The following C1orf21 variants were observed in gnomAD, a reference collection of about 807,000 sequenced individuals.
C1orf21 encodes chromosome 1 open reading frame 21.
In C1orf21, 3 loss-of-function variants were observed where a neutral mutation model predicts 18.7. The ratio of observed to expected loss-of-function variants is 0.16; its 90% CI spans 0.07 to 0.42. The LOEUF (loss-of-function observed/expected upper bound fraction) is 0.42, where lower values mean the gene tolerates loss of function less well. Ranked by LOEUF, C1orf21 falls within the 10% of genes least tolerant of loss-of-function variation. The probability of loss-of-function intolerance (pLI) is 0.99; values close to 1 mark genes in which losing one functional copy is unlikely to be tolerated. For missense variants in C1orf21, 104 were observed against 143.6 expected, an observed-to-expected ratio of 0.72 and a Z score of 1.41; for synonymous variants, 41 against 46.4, an observed-to-expected ratio of 0.88 and a Z score of 0.47.
intron 5 of C1orf21, among the ~76,000 whole-genome samples, chr1:184,618,030 C>T (rs1659857459): frequency 6.6e-6 from 1 of 151,476 alleles, no homozygotes; most frequent in African/African-American, 2.4e-5. Context: ...CTGCCTTAGC[C>T]TCCCAAATAG....
At chr1:184,590,556 C>T (rs1407780182) in intron 3 of C1orf21, among the ~76,000 whole-genome samples, 183 bp from the exon 4 acceptor site, 2 of 152,204 alleles carry the variant, frequency 1.3e-5, no homozygotes, top group Non-Finnish European at 2.9e-5. Flanking sequence ...TAGCAGTGCT[C>T]CCTGTTTGGC....
At chr1:184,619,056 T>C (rs867052908) in intron 5 of C1orf21, among the ~76,000 whole-genome samples, 1 of 152,218 alleles carries the variant, frequency 6.6e-6, no homozygotes, top group Non-Finnish European at 1.5e-5. Context: ...GATTCTTGTT[T>C]GTTGTTTTTT....
chr1:184,489,030 C>T (rs986461185), intron 2 of C1orf21, among the ~76,000 whole-genome samples: 1 of 152,096 alleles, frequency 6.6e-6, no homozygotes, highest in Admixed American at 6.6e-5. Context: ...TATTTATAAT[C>T]TTAGGTTGCA....
chr1:184,584,130 CTTCTTTTTTTTT>C (rs1294954968), intron 3 of C1orf21, among the ~76,000 whole-genome samples: 1 of 81,864 alleles, frequency 1.2e-5, no homozygotes, highest in African/African-American at 4.8e-5. Flanking sequence ...GCTTGTTCTT[CTTCTTTTTTTTT>C]TTTTTTTTTT....
chr1:184,519,210 T>A (rs1052139796), intron 3 of C1orf21, among the ~76,000 whole-genome samples: 13 of 152,230 alleles, frequency 8.5e-5, no homozygotes, highest in African/African-American at 3.1e-4. Flanking sequence ...CTTTTAAACA[T>A]GCTTTCCTTA....
intron 3 of C1orf21, among the ~76,000 whole-genome samples, chr1:184,585,681 T>G (rs566160245): frequency 6.6e-6 from 1 of 152,352 alleles, no homozygotes; most frequent in Admixed American, 6.5e-5. Flanking sequence ...CCATGTCTTC[T>G]CATTATTTAG....
At chr1:184,555,237 G>A (rs1011131519) in intron 3 of C1orf21, among the ~76,000 whole-genome samples, 3 of 152,124 alleles carry the variant, frequency 2.0e-5, no homozygotes, top group Non-Finnish European at 2.9e-5. Flanking sequence ...TATCAGCTGC[G>A]TGGAACCAGA....
At chr1:184,576,598 G>C (rs1180657286) in intron 3 of C1orf21, among the ~76,000 whole-genome samples, 2 of 152,150 alleles carry the variant, frequency 1.3e-5, no homozygotes, top group Non-Finnish European at 2.9e-5. Context: ...GTCCTCTCAG[G>C]CCTCCACTAC....
chr1:184,519,689 A>T (rs570840268), intron 3 of C1orf21, among the ~76,000 whole-genome samples: 1 of 152,224 alleles, frequency 6.6e-6, no homozygotes, highest in Non-Finnish European at 1.5e-5. Context: ...AAACCACAGC[A>T]TATAAATTTC....
At chr1:184,576,859 T>C (rs181392156) in intron 3 of C1orf21, among the ~76,000 whole-genome samples, 368 of 152,332 alleles carry the variant, frequency 2.4e-3, no homozygotes, top group Non-Finnish European at 4.4e-3. Context: ...CCTTAATTTG[T>C]CTTGCAAGGC....
chr1:184,420,625 T>C (rs1367776849), intron 1 of C1orf21, among the ~76,000 whole-genome samples: 1 of 152,156 alleles, frequency 6.6e-6, no homozygotes, highest in African/African-American at 2.4e-5. Flanking sequence ...TAACTCCCAG[T>C]CTCTCTACTT....
chr1:184,460,614 GTCGTCGTCTTCTTCTTCTTCTTCT>G (rs1346796040), intron 1 of C1orf21, among the ~76,000 whole-genome samples: 5,115 of 127,140 alleles, frequency 0.04, 149 homozygotes, highest in Non-Finnish European at 0.046. Flanking sequence ...TAGTATTGTC[GTCGTCGTCTTCTTCTTCTTCTTCT>G]TCTTCTTCTT....
At chr1:184,413,163 T>C (rs1656384257) in intron 1 of C1orf21, among the ~76,000 whole-genome samples, 1 of 152,380 alleles carries the variant, frequency 6.6e-6, no homozygotes, top group East Asian at 1.9e-4. Flanking sequence ...GTGGTAATCC[T>C]GCAGTGTCCA....
At chr1:184,562,050 T>C (rs571438275) in intron 3 of C1orf21, among the ~76,000 whole-genome samples, 73 of 152,146 alleles carry the variant, frequency 4.8e-4, no homozygotes, top group Non-Finnish European at 8.7e-4. Context: ...AGTAGTTTCA[T>C]TGTTGCCAAC....
chr1:184,565,645 A>C (rs1273081586), intron 3 of C1orf21, among the ~76,000 whole-genome samples: 1 of 152,260 alleles, frequency 6.6e-6, no homozygotes, highest in Admixed American at 6.5e-5. Flanking sequence ...TTGGAATTAT[A>C]AACAAGCCAA....
chr1:184,606,465 A>C (rs972336215), intron 5 of C1orf21, among the ~76,000 whole-genome samples: 21 of 152,200 alleles, frequency 1.4e-4, no homozygotes, highest in Non-Finnish European at 4.4e-5. Context: ...CTGTAGTCCC[A>C]GTTACTTGAG....
intron 1 of C1orf21, among the ~76,000 whole-genome samples, chr1:184,441,056 C>T (rs1220121303): frequency 1.3e-5 from 2 of 152,156 alleles, no homozygotes; most frequent in Non-Finnish European, 2.9e-5. Flanking sequence ...AGAGGCATCA[C>T]GGGAGAAGTA....
chr1:184,544,624 C>T (rs1178990520), intron 3 of C1orf21, among the ~76,000 whole-genome samples: 2 of 152,178 alleles, frequency 1.3e-5, no homozygotes, highest in Admixed American at 6.5e-5. Flanking sequence ...CTTCACCATA[C>T]GTGATGTATT....
At position 184,628,483 on chromosome 1, in the gene C1orf21, G is replaced by A. The variant is rs1306254071; in HGVS notation, c.*8927G>A. On this transcript the variant is annotated 3_prime_UTR_variant, in exon 6 of 6. Transcript: ENST00000235307. Reference sequence around the variant, plus strand: ...AACACCCTTGCTTTAGTGCAAATCAGCACGCCTAAATAGCATCCCAAACCA... The same window carrying A: ...AACACCCTTGCTTTAGTGCAAATCAACACGCCTAAATAGCATCCCAAACCA... 1 of 152,190 alleles carries A rather than the reference G, an allele frequency of 6.6e-6. No homozygotes were observed. The highest frequency in any genetic ancestry group is 6.5e-5 in the Admixed American group (1 of 15,278). The allele number at this position is 152,190 out of a possible 1,614,324, so 9.4% of individuals were successfully genotyped here. A position where few individuals can be genotyped will look rare whatever the true frequency, so the allele number is the denominator to read the frequency against.
Sources: allele counts gnomAD v4.1 joint callset (sites outside exome capture counted in the v4.1 genomes callset), GRCh38; gene constraint gnomAD v4.1.1; transcripts MANE v1.5; gene names NCBI Gene and HGNC (gene_info 2026-07-23, HGNC 2026-07-21).